Variants in C14orf93 observed in about 807,000 individuals in gnomAD.
C14orf93 encodes the protein uncharacterized protein C14orf93.
A neutral mutation model predicts 44.0 loss-of-function variants in C14orf93; 23 were observed. That is an observed-to-expected ratio of 0.52 (90% CI 0.38 to 0.74). C14orf93 has a LOEUF of 0.74. Ranked by LOEUF, C14orf93 falls within the 30% of genes least tolerant of loss-of-function variation. The pLI is 0.00. For synonymous variants in C14orf93, 253 were observed against 265.7 expected (o/e 0.95, Z 0.46); for missense variants, 579 against 678.9 (o/e 0.85, Z 1.64).
At chr14:23,004,843 G>A (rs538897652) in intron 1 of C14orf93, among the ~76,000 whole-genome samples, 9 of 152,210 alleles carry the variant, frequency 5.9e-5, no homozygotes, top group African/African-American at 1.7e-4. Flanking sequence ...ACTTGAACCC[G>A]GGAGGTGGAG....
intron 3 of C14orf93, among the ~76,000 whole-genome samples, chr14:22,991,852 G>A (rs2045655524): frequency 6.6e-6 from 1 of 152,186 alleles, no homozygotes; most frequent in Admixed American, 6.5e-5. Context: ...TTACAGGCAT[G>A]AGCCACCGTG....
At chr14:23,000,714 CA>C (rs758471653) in intron 1 of C14orf93, among the ~76,000 whole-genome samples, 10,599 of 55,126 alleles carry the variant, frequency 0.19, 208 homozygotes, top group Non-Finnish European at 0.21. Flanking sequence ...GACTCCACCT[CA>C]AAAAAAAAAA....
chr14:22,999,035 C>A lies in C14orf93; in HGVS notation c.-12G>T. On this transcript the variant is annotated 5_prime_UTR_variant, in exon 2 of 7. Coordinates refer to ENST00000299088, the MANE Select transcript of C14orf93 (RefSeq NM_021944.4). The stretch of plus-strand genomic sequence containing the variant: ...GCACTGAAGGACATGGCGGATGGGG[C>A]AGTAACAACCACGCTTACACTGCTG... 6.3e-7 allele frequency: 1 copy of A among 1,596,992 alleles called. No homozygotes were observed. Among genetic ancestry groups the A allele is most frequent in the South Asian group, 1.1e-5 (1 of 88,790 alleles).
rs777615149 is a variant in C14orf93 at position 22,995,899 on chromosome 14, C to G, written c.918+49G>C. 4 of 1,499,638 alleles carry G rather than the reference C, an allele frequency of 2.7e-6. No individual in the cohort carries two copies. The African/African-American group carries it at 5.6e-5, about 21-fold the overall frequency. 92.9% of individuals were successfully genotyped at this position (1,499,638 alleles called of 1,614,324 possible). A position where few individuals can be genotyped will look rare whatever the true frequency, so the allele number is the denominator to read the frequency against. ...AAATCAACCCACCCATCACTCTTCA[C>G]TTATCTCTCCAGACTGAAGAAAAAT... is the stretch of plus-strand genomic sequence containing the variant. On this transcript the variant is annotated intron_variant, in intron 3 of 6. Coordinates refer to ENST00000299088, the MANE Select transcript of C14orf93 (RefSeq NM_021944.4).
intron 1 of C14orf93, among the ~76,000 whole-genome samples, chr14:23,008,991 A>C (rs1003475442): frequency 2.6e-5 from 4 of 152,234 alleles, no homozygotes; most frequent in Non-Finnish European, 5.9e-5. Flanking sequence ...AAAAGCCAAG[A>C]AAGAACTTCC....
intron 1 of C14orf93, among the ~76,000 whole-genome samples, chr14:23,008,537 GTTGTCACTGCAT>G (rs915994420): frequency 6.6e-6 from 1 of 151,576 alleles, no homozygotes; most frequent in Non-Finnish European, 1.5e-5. Context: ...TTGTCTCCTG[GTTGTCACTGCAT>G]TTGTGACATT....
At chr14:23,001,504 G>T (rs2046294832) in intron 1 of C14orf93, among the ~76,000 whole-genome samples, 1 of 152,046 alleles carries the variant, frequency 6.6e-6, no homozygotes, top group South Asian at 2.1e-4. Flanking sequence ...TCGCTCTGTT[G>T]CCCAGGCCAG....
At chr14:23,007,937 A>G (rs995154525) in intron 1 of C14orf93, among the ~76,000 whole-genome samples, 3 of 151,998 alleles carry the variant, frequency 2.0e-5, no homozygotes, top group African/African-American at 7.2e-5. Context: ...CGGATCACCT[A>G]AAGTCAGGAG....
chr14:22,998,354 A>C (rs895822151), intron 2 of C14orf93, 73 bp downstream of exon 2: 1 of 1,430,826 alleles, frequency 7.0e-7, no homozygotes, highest in African/African-American at 1.4e-5. Context: ...TGGAAAGAAA[A>C]GAACAGAAAG....
At chr14:23,006,116 C>T (rs1345155218) in intron 1 of C14orf93, 2 of 152,182 alleles carry the variant, frequency 1.3e-5, no homozygotes, top group African/African-American at 4.8e-5. Flanking sequence ...TTACTGAAAG[C>T]ATGGCAATTC....
intron 1 of C14orf93, among the ~76,000 whole-genome samples, chr14:23,002,118 C>T (rs2046337516): frequency 6.9e-6 from 1 of 144,190 alleles, no homozygotes; most frequent in Non-Finnish European, 1.5e-5. Flanking sequence ...CACTGCACTC[C>T]AGCCTGGGCG....
intron 1 of C14orf93, among the ~76,000 whole-genome samples, chr14:23,001,839 TA>T (rs780256403): frequency 0.083 from 4,916 of 59,520 alleles, 183 homozygotes; most frequent in African/African-American, 0.12. Flanking sequence ...TACTGCAGGT[TA>T]AAAAAAAAAA....
rs200829885 is a variant in C14orf93, at chr14:22,996,983, GCACACACACACACACACACA to G, written c.598-735_598-716del. Among the ~76,000 whole-genome samples, 4 of 62,588 alleles carry G rather than the reference GCACACACACACACACACACA, an allele frequency of 6.4e-5. No individual in the cohort carries two copies. The East Asian group carries it at 9.3e-4, about 15-fold the overall frequency. 41.1% of individuals were successfully genotyped at this position (62,588 alleles called of 152,430 possible). A position where few individuals can be genotyped will look rare whatever the true frequency, so the allele number is the denominator to read the frequency against. On this transcript the variant is annotated intron_variant, in intron 2 of 6. Coordinates refer to ENST00000299088, the MANE Select transcript of C14orf93 (RefSeq NM_021944.4). The surrounding 1 kb of genome is among the most constrained non-coding windows in gnomAD (Gnocchi z 4.1). ...TGAAAGTGGGGACACACACGCACAC[GCACACACACACACACACACA>G]CACACACAGAAAGATGCGGGGGAGG...
In C14orf93 at chr14:22,990,135, G is replaced by T. The variant is rs1202303328; in HGVS notation, c.919-8C>A. ...CACATTGTGGACCAGTTTCTAGGAG[G>T]AAAAAAAGAAAACACAATCAAGCCA... On this transcript the variant is annotated splice_region_variant and splice_polypyrimidine_tract_variant and intron_variant, in intron 3 of 6. Transcript: ENST00000299088. 3 of 1,607,750 alleles carry T rather than the reference G, an allele frequency of 1.9e-6. No individual in the cohort carries two copies. The African/African-American group carries it at 4.0e-5, about 22-fold the overall frequency.
intron 5 of C14orf93, among the ~76,000 whole-genome samples, chr14:22,988,279 A>G (rs1271170171): frequency 1.3e-5 from 2 of 151,748 alleles, no homozygotes; most frequent in Non-Finnish European, 2.9e-5. Flanking sequence ...GATTACAGGC[A>G]TGTGCCACCA....
At chr14:22,988,039 G>T in intron 5 of C14orf93, 24 bp from the exon 6 acceptor site, 1 of 1,537,382 alleles carries the variant, frequency 6.5e-7, no homozygotes, top group Non-Finnish European at 9.0e-7. Context: ...AAGGAAGGGA[G>T]CAAGAAGGAG....
In C14orf93 at chr14:22,990,125, T is replaced by A. The variant is rs1385401971; in HGVS notation, c.921A>T (p.Lys307Asn). ...SRRKRDLVLSKLVHNVHNHIT... is the reference protein window; with the variant it reads ...SRRKRDLVLSNLVHNVHNHIT... Reference sequence around the variant, plus strand: ...TGTGGTTATGCACATTGTGGACCAGTTTCTAGGAGGAAAAAAAGAAAACAC... The same window carrying A: ...TGTGGTTATGCACATTGTGGACCAGATTCTAGGAGGAAAAAAAGAAAACAC... Residue 307 changes from lysine to asparagine, a missense_variant and splice_region_variant, in exon 4 of 7, where the codon AAA becomes AAT. Coordinates refer to ENST00000299088, the MANE Select transcript of C14orf93 (RefSeq NM_021944.4). 1.9e-6 allele frequency: 3 copies of A among 1,612,762 alleles called. No individual in the cohort carries two copies. The highest frequency in any genetic ancestry group is 4.5e-5 in the East Asian group (2 of 44,884).
rs1442330035 is a variant in C14orf93, at chr14:22,986,730, C to G, written c.*485G>C. 1 of 162,770 alleles carries G rather than the reference C, an allele frequency of 6.1e-6. No homozygotes were observed. The highest frequency in any genetic ancestry group is 5.6e-5 in the Admixed American group (1 of 17,782). 10.1% of individuals were successfully genotyped at this position (162,770 alleles called of 1,614,324 possible). ...TTCCCTTGGTCAGAAGACTCAAGCT[C>G]ATGACTGAAACTGCCCACCAGGTGG... On this transcript the variant is annotated 3_prime_UTR_variant, in exon 7 of 7. Transcript: ENST00000299088.
At position 22,990,206 on chromosome 14, in the gene C14orf93, G is replaced by C. The variant is rs76469808; in HGVS notation, c.919-79C>G. 4,631 of 1,294,774 alleles carry C rather than the reference G, an allele frequency of 3.6e-3. 101 individuals are homozygous for C. In the East Asian group the frequency reaches 0.038, roughly 11 times the overall value. The allele number at this position is 1,294,774 out of a possible 1,614,324, so 80.2% of individuals were successfully genotyped here. On this transcript the variant is annotated intron_variant, in intron 3 of 6. Coordinates refer to ENST00000299088, the MANE Select transcript of C14orf93 (RefSeq NM_021944.4). The stretch of plus-strand genomic sequence containing the variant: ...TCTCCTCTGGTCCCTAGGGTAAAAA[G>C]GTATTGTCCCTAAGGGGCTCTCTGC...
Sources: gnomAD v4.1 joint callset for allele counts (sites outside exome capture counted in the v4.1 genomes callset) on GRCh38, gnomAD v4.1.1 for gene constraint, Gnocchi (gnomAD v3.1) non-coding constraint, MANE v1.5 for transcripts, NCBI Gene and HGNC (gene_info 2026-07-23, HGNC 2026-07-21) for gene names.